MLLT3: variants seen among roughly 807,000 people sequenced by gnomAD.
MLLT3 encodes protein AF-9.
MLLT3 carries 4 observed loss-of-function variants against 53.2 expected under a neutral mutation model. The ratio of observed to expected loss-of-function variants is 0.08; its 90% CI spans 0.04 to 0.17. The LOEUF is 0.17. Among genes scored for constraint, MLLT3 ranks in the 10% least tolerant of loss-of-function variants. The pLI is 1.00. For synonymous variants in MLLT3, 283 were observed against 230.6 expected (o/e 1.23, Z -2.06); for missense variants, 569 against 684.0 (o/e 0.83, Z 1.87).
chr9:20,511,478 CA>C (rs1181030410), intron 2 of MLLT3, among the ~76,000 whole-genome samples: 1 of 152,148 alleles, frequency 6.6e-6, no homozygotes, highest in Non-Finnish European at 1.5e-5. Flanking sequence ...TTCCTTCTCT[CA>C]AACTATTACC....
At chr9:20,491,371 T>C (rs1375055385) in intron 2 of MLLT3, among the ~76,000 whole-genome samples, 2 of 152,120 alleles carry the variant, frequency 1.3e-5, no homozygotes, top group Admixed American at 6.5e-5. Context: ...TGAGGAACTA[T>C]ATACAGTACC....
intron 5 of MLLT3, chr9:20,411,212 C>A (rs2118769209): frequency 6.5e-6 from 1 of 152,682 alleles, no homozygotes; most frequent in East Asian, 1.9e-4. Context: ...GCTTAGTGTT[C>A]TCCATTACAA....
At chr9:20,516,629 T>C (rs1817927228) in intron 2 of MLLT3, among the ~76,000 whole-genome samples, 1 of 152,250 alleles carries the variant, frequency 6.6e-6, no homozygotes, top group African/African-American at 2.4e-5. Flanking sequence ...TGCTCTATCA[T>C]CTATGGAGTG....
intron 2 of MLLT3, among the ~76,000 whole-genome samples, chr9:20,606,710 A>T (rs557440619): frequency 6.6e-6 from 1 of 152,192 alleles, no homozygotes; most frequent in African/African-American, 2.4e-5. Context: ...TTTTTCTCCA[A>T]GTAAGCAAAT....
At chr9:20,583,341 T>A (rs1819853842) in intron 2 of MLLT3, among the ~76,000 whole-genome samples, 2 of 152,152 alleles carry the variant, frequency 1.3e-5, no homozygotes, top group South Asian at 4.1e-4. Flanking sequence ...TAAGTGTCTG[T>A]GGCTTTTCCA....
At chr9:20,392,431 T>C (rs966399918) in intron 5 of MLLT3, among the ~76,000 whole-genome samples, 4 of 152,182 alleles carry the variant, frequency 2.6e-5, no homozygotes, top group Non-Finnish European at 5.9e-5. Flanking sequence ...TGAAGTAGCT[T>C]ATATAGAGCT....
intron 2 of MLLT3, among the ~76,000 whole-genome samples, chr9:20,585,060 T>C (rs1162330367): frequency 6.6e-6 from 1 of 152,244 alleles, no homozygotes; most frequent in African/African-American, 2.4e-5. Flanking sequence ...GATGCATTAA[T>C]CTGTTCAGGT....
At chr9:20,491,828 T>C (rs954209198) in intron 2 of MLLT3, among the ~76,000 whole-genome samples, 4 of 152,130 alleles carry the variant, frequency 2.6e-5, no homozygotes, top group African/African-American at 9.6e-5. Context: ...CACCATGAAT[T>C]GTTGACTTTC....
chr9:20,493,539 T>C (rs532063615), intron 2 of MLLT3, among the ~76,000 whole-genome samples: 1 of 152,018 alleles, frequency 6.6e-6, no homozygotes, highest in Admixed American at 6.6e-5. Context: ...GAAAAAATCT[T>C]GACCACAGAA....
intron 5 of MLLT3, 63 bp from the exon 6 acceptor site, chr9:20,365,807 A>G: frequency 6.4e-7 from 1 of 1,553,370 alleles, no homozygotes; most frequent in Non-Finnish European, 8.9e-7. Flanking sequence ...TCTAAAGTTG[A>G]AAACAGTATT....
chr9:20,504,350 T>TTGTGTGTGTGTGTG (rs71334530), intron 2 of MLLT3, among the ~76,000 whole-genome samples: 29 of 149,084 alleles, frequency 1.9e-4, no homozygotes, highest in African/African-American at 6.6e-4. Context: ...CCCAATGGAA[T>TTGTGTGTGTGTGTG]TGTGTGTGTG....
rs1416183871 is a variant in MLLT3 at position 20,621,004 on chromosome 9, C to G, written c.13-170G>C. On this transcript the variant is annotated intron_variant, in intron 1 of 10. Transcript: ENST00000380338. The surrounding 1 kb of genome is among the most constrained non-coding windows in gnomAD (Gnocchi z 7.0). The stretch of plus-strand genomic sequence containing the variant: ...CGTGGGCGCGCACACTCCACACCCC[C>G]AAATATACCCGCCCGCCCGGCCCGG... The G allele has an allele frequency of 2.4e-6, 2 of 827,542 alleles. No homozygotes were observed. Among genetic ancestry groups the G allele is most frequent in the Non-Finnish European group, 4.0e-6 (2 of 502,942 alleles). 51.3% of individuals were successfully genotyped at this position (827,542 alleles called of 1,614,324 possible). A position where few individuals can be genotyped will look rare whatever the true frequency, so the allele number is the denominator to read the frequency against.
chr9:20,528,319 T>C (rs1352409395), intron 2 of MLLT3, among the ~76,000 whole-genome samples: 3 of 152,258 alleles, frequency 2.0e-5, no homozygotes, highest in Non-Finnish European at 4.4e-5. Context: ...ATGCATTTAA[T>C]CTGTTACACA....
chr9:20,450,451 A>T (rs182498197), intron 3 of MLLT3, among the ~76,000 whole-genome samples: 1 of 152,320 alleles, frequency 6.6e-6, no homozygotes, highest in Admixed American at 6.5e-5. Flanking sequence ...ACTTCCTTGG[A>T]ATAACCATTG....
chr9:20,357,983 A>ACG (rs1445751948), intron 8 of MLLT3, among the ~76,000 whole-genome samples: 1 of 108,804 alleles, frequency 9.2e-6, no homozygotes, highest in South Asian at 3.0e-4. Flanking sequence ...CCTCCTGCGC[A>ACG]CACACACACA....
At chr9:20,567,086 A>C (rs1356643451) in intron 2 of MLLT3, among the ~76,000 whole-genome samples, 2 of 151,742 alleles carry the variant, frequency 1.3e-5, no homozygotes, top group East Asian at 1.9e-4. Flanking sequence ...AGTGGGTCTG[A>C]ATTGTGTTTG....
intron 5 of MLLT3, among the ~76,000 whole-genome samples, chr9:20,375,896 C>T (rs780289980): frequency 5.3e-5 from 8 of 152,112 alleles, no homozygotes; most frequent in Non-Finnish European, 1.2e-4. Flanking sequence ...GCCTGAGCCA[C>T]CGCGCCCGGA....
intron 8 of MLLT3, among the ~76,000 whole-genome samples, chr9:20,356,783 T>C (rs1357074320): frequency 2.0e-5 from 3 of 152,146 alleles, no homozygotes; most frequent in African/African-American, 7.2e-5. Context: ...ATTTGGACGC[T>C]GAAGTCCCAC....
chr9:20,555,655 C>T (rs1819039888), intron 2 of MLLT3, among the ~76,000 whole-genome samples: 1 of 152,160 alleles, frequency 6.6e-6, no homozygotes, highest in East Asian at 1.9e-4. Context: ...TTCCTAACTG[C>T]CTCTCACTTC....
Sources: gnomAD v4.1 joint callset for allele counts (sites outside exome capture counted in the v4.1 genomes callset) on GRCh38, gnomAD v4.1.1 for gene constraint, Gnocchi (gnomAD v3.1) non-coding constraint, MANE v1.5 for transcripts, NCBI Gene and HGNC (gene_info 2026-07-23, HGNC 2026-07-21) for gene names.